The following CAMKK2 variants were observed in gnomAD, a reference collection of about 807,000 sequenced individuals.
CAMKK2 encodes the protein calcium/calmodulin dependent protein kinase kinase 2.
In CAMKK2, 30 loss-of-function variants were observed where a neutral mutation model predicts 67.2. The observed-to-expected ratio is 0.45, with a 90% confidence interval of 0.33 to 0.61. CAMKK2 has a LOEUF of 0.61. Ranked by LOEUF, CAMKK2 falls within the 20% of genes least tolerant of loss-of-function variation. The pLI, the probability that CAMKK2 is intolerant of heterozygous loss-of-function variation, is 0.02. For synonymous variants in CAMKK2, 322 were observed against 326.2 expected (o/e 0.99, Z 0.14); for missense variants, 643 against 802.0 (o/e 0.80, Z 2.39).
chr12:121,240,147 AG>A lies in CAMKK2; in HGVS notation c.*551del, dbSNP rs1888081341. ...AATTTAAAAATCCTTCTTACAAATA[AG>A]TTGCATCAAAGCTCCCTGCAGCTAC... On this transcript the variant is annotated 3_prime_UTR_variant, in exon 17 of 17. Transcript: ENST00000404169. The surrounding 1 kb of genome is among the most constrained non-coding windows in gnomAD (Gnocchi z 4.4). 3 of 386,308 alleles carry A rather than the reference AG, an allele frequency of 7.8e-6. No homozygotes were observed. In the East Asian group the frequency reaches 1.3e-4, roughly 16 times the overall value. The allele number at this position is 386,308 out of a possible 1,614,324, so 23.9% of individuals were successfully genotyped here.
At chr12:121,288,740 T>C (rs1441137257) in intron 1 of CAMKK2, among the ~76,000 whole-genome samples, 2 of 152,068 alleles carry the variant, frequency 1.3e-5, no homozygotes, top group Admixed American at 6.6e-5. Context: ...CCCACCCCCC[T>C]TTCCTCCGAG....
intron 2 of CAMKK2, among the ~76,000 whole-genome samples, chr12:121,273,815 C>G (rs1407622378): frequency 6.6e-6 from 1 of 152,154 alleles, no homozygotes; most frequent in Non-Finnish European, 1.5e-5. Flanking sequence ...ACACTCCACA[C>G]TGGTAATCGG....
In CAMKK2 at chr12:121,239,993, T is replaced by G. The variant is rs1888059938; in HGVS notation, c.*706A>C. On this transcript the variant is annotated 3_prime_UTR_variant, in exon 17 of 17. Transcript: ENST00000404169. ...AGCTGTCATGAAGAAACACGTTCAG[T>G]CTTTCAGGAGAAATGTTTCCCCACC... 6.1e-6 allele frequency: 1 copy of G among 163,038 alleles called. No homozygotes were observed. The highest frequency in any genetic ancestry group is 5.9e-5 in the Admixed American group (1 of 16,982). The allele number at this position is 163,038 out of a possible 1,614,324, so 10.1% of individuals were successfully genotyped here.
rs1168497476 is a variant in CAMKK2, at chr12:121,240,546, T to G, written c.*153A>C. 3 of 1,518,700 alleles carry G rather than the reference T, an allele frequency of 2.0e-6. No homozygotes were observed. The highest frequency in any genetic ancestry group is 2.6e-6 in the Non-Finnish European group (3 of 1,138,622). 94.1% of individuals were successfully genotyped at this position (1,518,700 alleles called of 1,614,324 possible). A position where few individuals can be genotyped will look rare whatever the true frequency, so the allele number is the denominator to read the frequency against. On this transcript the variant is annotated 3_prime_UTR_variant, in exon 17 of 17. Transcript: ENST00000404169. The surrounding 1 kb of genome is among the most constrained non-coding windows in gnomAD (Gnocchi z 4.4). Reference sequence around the variant, plus strand: ...GTCCTTTTTTTTTTTTTGTCCCCTTTAAAACAACAAAGGAAAAAACAAATA... The same window carrying G: ...GTCCTTTTTTTTTTTTTGTCCCCTTGAAAACAACAAAGGAAAAAACAAATA...
intron 1 of CAMKK2, among the ~76,000 whole-genome samples, chr12:121,284,022 C>G (rs1258887513): frequency 6.6e-6 from 1 of 152,264 alleles, no homozygotes; most frequent in Non-Finnish European, 1.5e-5. Context: ...CTCACCACTT[C>G]CCAGTGCCTC....
chr12:121,274,535 C>A lies in CAMKK2; in HGVS notation c.-9G>T. 1 of 1,596,052 alleles carries A rather than the reference C, an allele frequency of 6.3e-7. No individual in the cohort carries two copies. ...GAGACACATGATGACATGGTGCATGCGCCAGCTTCATCCAGCACACTGGGG... is the reference window on the plus strand; with the variant it reads ...GAGACACATGATGACATGGTGCATGAGCCAGCTTCATCCAGCACACTGGGG... On this transcript the variant is annotated 5_prime_UTR_variant, in exon 2 of 17. Transcript: ENST00000404169.
At chr12:121,277,241 C>T (rs896718855) in intron 1 of CAMKK2, among the ~76,000 whole-genome samples, 2 of 152,182 alleles carry the variant, frequency 1.3e-5, no homozygotes, top group Non-Finnish European at 2.9e-5. Context: ...GGTAAGAGAA[C>T]GCCAAAGAGT....
chr12:121,269,265 T>C (rs1593403258), intron 4 of CAMKK2, among the ~76,000 whole-genome samples: 2 of 152,170 alleles, frequency 1.3e-5, no homozygotes, highest in Admixed American at 6.5e-5. Flanking sequence ...CTCAATACTA[T>C]GGAGGATGCA....
In CAMKK2 at chr12:121,240,837, G is replaced by C. The variant is rs1481629572; in HGVS notation, c.1629C>G (p.His543Gln). Residue 543 changes from histidine (H) to glutamine (Q), a missense_variant, in exon 17 of 17, where the codon CAC becomes CAG. His to Gln is a conservative substitution (Grantham distance 24, BLOSUM62 0). Coordinates refer to ENST00000404169, the MANE Select transcript of CAMKK2 (RefSeq NM_001270485.2). The surrounding 1 kb of genome is among the most constrained non-coding windows in gnomAD (Gnocchi z 4.4). ...EARQRRQPPG[H>Q]RPAPRGGGGS... ...CTCCTCCCCCACGGGGGGCGGGTCG[G>C]TGCCCTGGAGGTTGTCTTCGCTGCC... 1 of 1,612,466 alleles carries C rather than the reference G, an allele frequency of 6.2e-7. No individual in the cohort carries two copies.
intron 16 of CAMKK2, chr12:121,244,167 G>A (rs201392268): frequency 5.0e-6 from 8 of 1,602,012 alleles, no homozygotes; most frequent in African/African-American, 1.3e-5. Flanking sequence ...AGGCTGGAGA[G>A]CCCCTAGCGA....
At position 121,269,943 on chromosome 12, in the gene CAMKK2, A is replaced by AG. The variant is rs1325232138; in HGVS notation, c.520-363dup. The AG allele has an allele frequency of 6.1e-5, 11 of 180,628 alleles. No homozygotes were observed. In the Middle Eastern group the frequency reaches 6.9e-3, roughly 114 times the overall value. 11.2% of individuals were successfully genotyped at this position (180,628 alleles called of 1,614,324 possible). On this transcript the variant is annotated intron_variant, in intron 3 of 16. Coordinates refer to ENST00000404169, the MANE Select transcript of CAMKK2 (RefSeq NM_001270485.2). ...CAGGCACCTGTAATCCCAGCTACTC[A>AG]GGGGGCTGAGGCTTGAGAATCACTT...
intron 2 of CAMKK2, among the ~76,000 whole-genome samples, chr12:121,271,736 T>C (rs562264273): frequency 2.6e-5 from 4 of 152,324 alleles, no homozygotes; most frequent in Admixed American, 2.6e-4. Context: ...AGATGGAGTT[T>C]TGCTCTTGTT....
chr12:121,278,509 G>A (rs900985710), intron 1 of CAMKK2, among the ~76,000 whole-genome samples: 1 of 152,196 alleles, frequency 6.6e-6, no homozygotes, highest in Non-Finnish European at 1.5e-5. Context: ...TAATTCCCGT[G>A]TGTTGTGGGA....
At chr12:121,282,233 G>A (rs1278241958) in intron 1 of CAMKK2, among the ~76,000 whole-genome samples, 1 of 152,090 alleles carries the variant, frequency 6.6e-6, no homozygotes, top group African/African-American at 2.4e-5. Flanking sequence ...TGGGTCTGGA[G>A]CCCGGGAGCA....
intron 13 of CAMKK2, 117 bp downstream of exon 13, chr12:121,249,670 G>T: frequency 1.1e-6 from 1 of 871,672 alleles, no homozygotes. Flanking sequence ...CTGGGGCATA[G>T]GAGAACAGCG....
chr12:121,245,106 A>C lies in CAMKK2; in HGVS notation c.1553+34T>G. ...GCCCCAAGCCTAGCCTCCAGCCACC[A>C]CTCCCCCACCCAAGAAGGCAGGCGG... is the stretch of plus-strand genomic sequence containing the variant. On this transcript the variant is annotated intron_variant, in intron 15 of 16. Coordinates refer to ENST00000404169, the MANE Select transcript of CAMKK2 (RefSeq NM_001270485.2). The surrounding 1 kb of genome is among the most constrained non-coding windows in gnomAD (Gnocchi z 5.8). The C allele has an allele frequency of 6.9e-7, 1 of 1,450,372 alleles. No homozygotes were observed. Among genetic ancestry groups the C allele is most frequent in the East Asian group, 2.4e-5 (1 of 41,318 alleles). The allele number at this position is 1,450,372 out of a possible 1,614,324, so 89.8% of individuals were successfully genotyped here. A position where few individuals can be genotyped will look rare whatever the true frequency, so the allele number is the denominator to read the frequency against.
intron 1 of CAMKK2, among the ~76,000 whole-genome samples, chr12:121,284,351 G>A (rs529489761): frequency 9.2e-5 from 14 of 152,302 alleles, no homozygotes; most frequent in Non-Finnish European, 2.1e-4. Context: ...TTGAGATGGA[G>A]TCTCGCTCTG....
At chr12:121,292,600 C>G (rs993458018) in intron 1 of CAMKK2, among the ~76,000 whole-genome samples, 8 of 152,170 alleles carry the variant, frequency 5.3e-5, no homozygotes, top group African/African-American at 1.9e-4. Flanking sequence ...TGCAGCCAGC[C>G]GGCCTGAACC....
In CAMKK2 at chr12:121,255,773, G is replaced by C. The variant is rs766778540; in HGVS notation, c.818+10C>G. Reference sequence around the variant, plus strand: ...CTTGCATCACCCCTGCTGGGAGCTGGGACACTCACCCTTGGTTGACCAGTT... The same window carrying C: ...CTTGCATCACCCCTGCTGGGAGCTGCGACACTCACCCTTGGTTGACCAGTT... On this transcript the variant is annotated intron_variant, in intron 8 of 16. Coordinates refer to ENST00000404169, the MANE Select transcript of CAMKK2 (RefSeq NM_001270485.2). 1.2e-6 allele frequency: 2 copies of C among 1,613,898 alleles called. No homozygotes were observed. Among genetic ancestry groups the C allele is most frequent in the East Asian group, 4.5e-5 (2 of 44,874 alleles).
Sources: allele counts gnomAD v4.1 joint callset (sites outside exome capture counted in the v4.1 genomes callset), GRCh38; gene constraint gnomAD v4.1.1; non-coding constraint Gnocchi (gnomAD v3.1); transcripts MANE v1.5; gene names NCBI Gene and HGNC (gene_info 2026-07-23, HGNC 2026-07-21).